ATP6V0D2: variants seen among roughly 807,000 people sequenced by gnomAD.
ATP6V0D2 encodes the protein V-type proton ATPase subunit d 2.
ATP6V0D2 carries 40 observed loss-of-function variants against 40.0 expected under a neutral mutation model. The ratio of observed to expected loss-of-function variants is 1.00; its 90% CI spans 0.78 to 1.30. ATP6V0D2 has a LOEUF of 1.30. Ranked by LOEUF, ATP6V0D2 falls within the 50% of genes most tolerant of loss-of-function variation. The pLI is 0.00. For synonymous variants in ATP6V0D2, 179 were observed against 156.3 expected (o/e 1.15, Z -1.08); for missense variants, 470 against 423.1 (o/e 1.11, Z -0.97).
rs747376053 is a variant in ATP6V0D2, at chr8:86,152,997, T to C, written c.*20T>C. ...TTATAACCCAAGTAAGGTTCTCAAA[T>C]GTAGAAAATTATAAATGTTAAAAGG... On this transcript the variant is annotated 3_prime_UTR_variant, in exon 8 of 8. Coordinates refer to ENST00000285393, the MANE Select transcript of ATP6V0D2 (RefSeq NM_152565.1). 6.5e-7 allele frequency: 1 copy of C among 1,550,086 alleles called. No individual in the cohort carries two copies. Among genetic ancestry groups the C allele is most frequent in the Non-Finnish European group, 8.7e-7 (1 of 1,152,678 alleles).
intron 1 of ATP6V0D2, 101 bp from the exon 2 acceptor site, chr8:86,113,608 T>C (rs1234151995): frequency 5.0e-6 from 5 of 996,724 alleles, no homozygotes; most frequent in Non-Finnish European, 5.9e-6. Context: ...AGATAATACA[T>C]ATGTATGTAA....
chr8:86,145,909 T>G (rs938063331), intron 5 of ATP6V0D2, among the ~76,000 whole-genome samples: 1 of 152,228 alleles, frequency 6.6e-6, no homozygotes, highest in Non-Finnish European at 1.5e-5. Flanking sequence ...TTTACATACA[T>G]GAATTCACTT....
At chr8:86,149,632 A>T (rs1045999579) in intron 5 of ATP6V0D2, among the ~76,000 whole-genome samples, 1 of 152,198 alleles carries the variant, frequency 6.6e-6, no homozygotes, top group Non-Finnish European at 1.5e-5. Flanking sequence ...ACAACATTTC[A>T]TTATGTAAAA....
chr8:86,115,450 C>G (rs1818581387), intron 2 of ATP6V0D2, among the ~76,000 whole-genome samples: 1 of 141,612 alleles, frequency 7.1e-6, no homozygotes, highest in South Asian at 2.4e-4. Context: ...CTCACTGCAA[C>G]CTTCGCCTCC....
chr8:86,112,006 C>T (rs1420275276), intron 1 of ATP6V0D2, among the ~76,000 whole-genome samples: 10 of 152,156 alleles, frequency 6.6e-5, no homozygotes. Flanking sequence ...TAGTTGGCAG[C>T]ACATAATAGA....
Position 86,150,096 on chromosome 8 carries a change from TG to T in ATP6V0D2, c.640-15del. On this transcript the variant is annotated splice_polypyrimidine_tract_variant and intron_variant, in intron 5 of 7. Transcript: ENST00000285393. ...GCAGTTTATTAGATTTTACTGGTTT[TG>T]TCTTGCAAATTCAGTTTGAGGCCGA... 1.9e-6 allele frequency: 3 copies of T among 1,606,996 alleles called. No homozygotes were observed. Among genetic ancestry groups the T allele is most frequent in the Non-Finnish European group, 2.6e-6 (3 of 1,175,692 alleles).
chr8:86,126,310 CAGGTTTGTT>C (rs1360869128), intron 2 of ATP6V0D2, among the ~76,000 whole-genome samples: 18 of 139,484 alleles, frequency 1.3e-4, no homozygotes, highest in African/African-American at 4.4e-4. Context: ...GCAGGATGTG[CAGGTTTGTT>C]ACTTAAGTAA....
intron 1 of ATP6V0D2, among the ~76,000 whole-genome samples, chr8:86,100,719 A>G (rs534869046): frequency 5.8e-4 from 88 of 152,304 alleles, no homozygotes; most frequent in African/African-American, 2.1e-3. Context: ...TCTACATAAA[A>G]TAAAGAACAC....
intron 2 of ATP6V0D2, among the ~76,000 whole-genome samples, chr8:86,136,746 T>C (rs953968431): frequency 1.3e-5 from 2 of 152,154 alleles, no homozygotes; most frequent in African/African-American, 2.4e-5. Context: ...ACGAATTCCC[T>C]GCCCAGGAAG....
At chr8:86,138,089 G>A (rs1473552650) in intron 2 of ATP6V0D2, among the ~76,000 whole-genome samples, 1 of 152,094 alleles carries the variant, frequency 6.6e-6, no homozygotes, top group East Asian at 1.9e-4. Flanking sequence ...GGCCCAACAT[G>A]CTCAGCCCCA....
Position 86,150,288 on chromosome 8 carries a change from A to G in ATP6V0D2, c.816A>G (p.Gly272=). 2 of 1,612,578 alleles carry G rather than the reference A, an allele frequency of 1.2e-6. No homozygotes were observed. The highest frequency in any genetic ancestry group is 1.7e-6 in the Non-Finnish European group (2 of 1,179,306). Residue 272 remains glycine (G), a splice_region_variant and synonymous_variant, in exon 6 of 8, where the codon GGA becomes GGG. Transcript: ENST00000285393. The stretch of plus-strand genomic sequence containing the variant: ...TGAAGAACGTAGCGGATCATTACGG[A>G]GTATGTGATGACACTGGCTTCCCTA... ...DQMKNVADHY[G]VYKPLFEAVG...
In ATP6V0D2 at chr8:86,117,876, G is replaced by A. The variant is rs75626319; in HGVS notation, c.302+3996G>A. ...TTGGCTGGAGTGGGTGTGCCATATA[G>A]GAAGGAGGAAGTGGGGAAACGAGGC... On this transcript the variant is annotated intron_variant, in intron 2 of 7. Coordinates refer to ENST00000285393, the MANE Select transcript of ATP6V0D2 (RefSeq NM_152565.1). Among the ~76,000 whole-genome samples, 1,383 of 152,172 alleles carry A rather than the reference G, an allele frequency of 9.1e-3. 31 individuals carry two copies. The highest frequency in any genetic ancestry group is 0.031 in the African/African-American group (1,286 of 41,530).
At chr8:86,127,827 T>C (rs112477291) in intron 2 of ATP6V0D2, among the ~76,000 whole-genome samples, 72 of 152,316 alleles carry the variant, frequency 4.7e-4, no homozygotes, top group Middle Eastern at 3.4e-3. Context: ...AAAATGGTTG[T>C]CATTAAGAAT....
intron 2 of ATP6V0D2, among the ~76,000 whole-genome samples, chr8:86,121,372 C>A (rs148597163): frequency 6.6e-6 from 1 of 152,142 alleles, no homozygotes; most frequent in Non-Finnish European, 1.5e-5. Flanking sequence ...GAGTTTGAGA[C>A]CAGCCTAGCC....
chr8:86,143,474 T>C (rs1408005888), intron 5 of ATP6V0D2, among the ~76,000 whole-genome samples: 1 of 152,214 alleles, frequency 6.6e-6, no homozygotes, highest in Admixed American at 6.5e-5. Flanking sequence ...CTTGATTATA[T>C]GCTGAACAAG....
intron 7 of ATP6V0D2, 93 bp downstream of exon 7, chr8:86,151,633 C>A: frequency 3.2e-6 from 3 of 946,410 alleles, no homozygotes; most frequent in Admixed American, 2.5e-5. Flanking sequence ...TACAGCTGAT[C>A]ATGCCAATTG....
At chr8:86,136,830 G>A (rs994082811) in intron 2 of ATP6V0D2, among the ~76,000 whole-genome samples, 5 of 152,222 alleles carry the variant, frequency 3.3e-5, no homozygotes, top group Middle Eastern at 3.4e-3. Flanking sequence ...CAGTAAAAAG[G>A]TATCATTTTT....
intron 2 of ATP6V0D2, among the ~76,000 whole-genome samples, chr8:86,134,712 C>A (rs775873356): frequency 1.9e-4 from 29 of 152,270 alleles, no homozygotes; most frequent in African/African-American, 6.7e-4. Context: ...ATATAAAAAT[C>A]AGCACACAGA....
intron 6 of ATP6V0D2, among the ~76,000 whole-genome samples, chr8:86,150,978 A>G (rs1339851465): frequency 6.6e-6 from 1 of 152,250 alleles, no homozygotes; most frequent in Non-Finnish European, 1.5e-5. Context: ...GATGAAAGTC[A>G]GCAAATGCGT....
Sources: allele counts gnomAD v4.1 joint callset (sites outside exome capture counted in the v4.1 genomes callset), GRCh38; gene constraint gnomAD v4.1.1; transcripts MANE v1.5; gene names NCBI Gene and HGNC (gene_info 2026-07-23, HGNC 2026-07-21).